Variants in FAM162A observed in about 807,000 individuals in gnomAD.
FAM162A encodes family with sequence similarity 162 member A, also known as protein FAM162A.
In FAM162A, 23 loss-of-function variants were observed where a neutral mutation model predicts 21.8. The observed-to-expected ratio is 1.05, with a 90% CI of 0.76 to 1.49. FAM162A has a LOEUF of 1.49. Ranked by LOEUF, FAM162A falls within the 40% of genes most tolerant of loss-of-function variation. FAM162A has a pLI of 0.00. For missense variants in FAM162A, 165 were observed against 186.4 expected, an observed-to-expected ratio of 0.89 and a Z score of 0.67; for synonymous variants, 53 against 61.3, an observed-to-expected ratio of 0.86 and a Z score of 0.64.
chr3:122,390,174 T>C (rs2075595577), intron 1 of FAM162A, among the ~76,000 whole-genome samples: 1 of 151,904 alleles, frequency 6.6e-6, no homozygotes, highest in African/African-American at 2.4e-5. Context: ...ATTTTAAAGA[T>C]GGGGGAGATA....
chr3:122,403,923 C>T (rs575329185), intron 2 of FAM162A, among the ~76,000 whole-genome samples: 187 of 152,302 alleles, frequency 1.2e-3, no homozygotes, highest in Admixed American at 2.4e-3. Context: ...ACATTAGTTT[C>T]TTCCTTGTTT....
intron 2 of FAM162A, among the ~76,000 whole-genome samples, 167 bp from the exon 3 acceptor site, chr3:122,404,091 T>C (rs1182241504): frequency 6.6e-6 from 1 of 152,212 alleles, no homozygotes; most frequent in Non-Finnish European, 1.5e-5. Context: ...ATTTGGAAAA[T>C]GAAGCATCCT....
chr3:122,407,439 C>A (rs775458537), intron 4 of FAM162A, 50 bp downstream of exon 4: 15 of 1,421,590 alleles, frequency 1.1e-5, no homozygotes, highest in Non-Finnish European at 1.4e-5. Context: ...CCACCAAGAA[C>A]CTAGAGTAAA....
At chr3:122,393,397 G>A (rs1257969952) in intron 1 of FAM162A, among the ~76,000 whole-genome samples, 1 of 151,646 alleles carries the variant, frequency 6.6e-6, no homozygotes, top group Non-Finnish European at 1.5e-5. Flanking sequence ...CAAGTTTTGT[G>A]GAGTTTTAAC....
At chr3:122,401,971 TA>T (rs2075655505) in intron 1 of FAM162A, among the ~76,000 whole-genome samples, 1 of 152,120 alleles carries the variant, frequency 6.6e-6, no homozygotes, top group Admixed American at 6.5e-5. Flanking sequence ...TTCTGCACAG[TA>T]AAAGTTAAAT....
chr3:122,401,669 G>T, intron 1 of FAM162A: 1 of 465,236 alleles, frequency 2.1e-6, no homozygotes, highest in Non-Finnish European at 3.1e-6. Context: ...CTGGCTGGTT[G>T]TGAGATGGTA....
At chr3:122,390,388 C>T (rs1467593114) in intron 1 of FAM162A, among the ~76,000 whole-genome samples, 1 of 152,154 alleles carries the variant, frequency 6.6e-6, no homozygotes, top group Non-Finnish European at 1.5e-5. Flanking sequence ...GATAGACACT[C>T]TGGGGAGTGG....
rs560330817 is a variant in FAM162A at position 122,401,507 on chromosome 3, A to G, written c.35-1253A>G. On this transcript the variant is annotated intron_variant, in intron 1 of 4. Coordinates refer to ENST00000477892, the MANE Select transcript of FAM162A (RefSeq NM_014367.4). ...CTCTTCGCAAAGATTTAAGTATCTTATAAGAACTGTTTGCCAGTGCAATTA... is the reference window on the plus strand; with the variant it reads ...CTCTTCGCAAAGATTTAAGTATCTTGTAAGAACTGTTTGCCAGTGCAATTA... 337 of 1,270,112 alleles carry G rather than the reference A, an allele frequency of 2.7e-4. 2 individuals carry two copies. In the South Asian group the frequency reaches 3.3e-3, roughly 13 times the overall value. 78.7% of individuals were successfully genotyped at this position (1,270,112 alleles called of 1,614,324 possible).
intron 3 of FAM162A, among the ~76,000 whole-genome samples, chr3:122,405,835 C>G (rs2075674395): frequency 6.6e-6 from 1 of 152,094 alleles, no homozygotes; most frequent in African/African-American, 2.4e-5. Flanking sequence ...CATAAAATAC[C>G]GTCAACATGG....
At chr3:122,387,795 C>T (rs1413337820) in intron 1 of FAM162A, among the ~76,000 whole-genome samples, 1 of 152,066 alleles carries the variant, frequency 6.6e-6, no homozygotes, top group Non-Finnish European at 1.5e-5. Context: ...AATGAACAAA[C>T]AAACATATAT....
At chr3:122,403,884 C>T (rs1184236141) in intron 2 of FAM162A, among the ~76,000 whole-genome samples, 1 of 152,202 alleles carries the variant, frequency 6.6e-6, no homozygotes, top group African/African-American at 2.4e-5. Context: ...CTGTCTCCAT[C>T]CATTGTACAG....
chr3:122,404,423 C>T, intron 3 of FAM162A, 60 bp downstream of exon 3: 1 of 873,572 alleles, frequency 1.1e-6, no homozygotes, highest in Non-Finnish European at 1.8e-6. Flanking sequence ...AAGGGAAAAG[C>T]AATGCCTCTG....
chr3:122,391,747 T>C (rs2075605252), intron 1 of FAM162A, among the ~76,000 whole-genome samples: 1 of 152,252 alleles, frequency 6.6e-6, no homozygotes, highest in Non-Finnish European at 1.5e-5. Context: ...TTAGGGTCTT[T>C]GCATTTATAA....
intron 4 of FAM162A, chr3:122,407,951 T>A (rs1333114312): frequency 6.5e-6 from 1 of 152,736 alleles, no homozygotes; most frequent in African/African-American, 2.4e-5. Context: ...CTTTTCTAGC[T>A]GGTATCTCAT....
chr3:122,411,835 A>T lies in FAM162A; in HGVS notation c.*2004A>T, dbSNP rs2075707063. On this transcript the variant is annotated 3_prime_UTR_variant, in exon 5 of 5. Transcript: ENST00000477892. ...CTCCCAAAGTGCTGGGATTACAGGC[A>T]TGAGCCATGGTGCCTGGCCAAACGT... The T allele has an allele frequency of 1.3e-5, 2 of 152,198 alleles. No homozygotes were observed. The highest frequency in any genetic ancestry group is 4.8e-5 in the African/African-American group (2 of 41,454). The allele number at this position is 152,198 out of a possible 1,614,324, so 9.4% of individuals were successfully genotyped here. A position where few individuals can be genotyped will look rare whatever the true frequency, so the allele number is the denominator to read the frequency against.
intron 4 of FAM162A, chr3:122,407,948 A>G (rs1275606105): frequency 1.3e-5 from 2 of 152,754 alleles, no homozygotes; most frequent in Non-Finnish European, 1.5e-5. Flanking sequence ...GTACTTTTCT[A>G]GCTGGTATCT....
chr3:122,407,432 C>T (rs778968880), intron 4 of FAM162A, 43 bp downstream of exon 4: 1 of 1,460,008 alleles, frequency 6.8e-7, no homozygotes, highest in Non-Finnish European at 9.6e-7. Flanking sequence ...ATGTTCTCCA[C>T]CAAGAACCTA....
intron 1 of FAM162A, among the ~76,000 whole-genome samples, chr3:122,386,160 A>C (rs2075573489): frequency 6.6e-6 from 1 of 152,232 alleles, no homozygotes; most frequent in Non-Finnish European, 1.5e-5. Context: ...ATGCAGATTT[A>C]GTTCTGAAAT....
intron 2 of FAM162A, 136 bp downstream of exon 2, chr3:122,403,018 T>C: frequency 2.0e-6 from 2 of 1,010,786 alleles, no homozygotes; most frequent in Non-Finnish European, 2.8e-6. Context: ...GTGTTCACAT[T>C]GTGCATGTGC....
Sources: gnomAD v4.1 joint callset for allele counts (sites outside exome capture counted in the v4.1 genomes callset) on GRCh38, gnomAD v4.1.1 for gene constraint, MANE v1.5 for transcripts, NCBI Gene and HGNC (gene_info 2026-07-23, HGNC 2026-07-21) for gene names.